The following KCNIP4 variants were observed in gnomAD, a reference collection of about 807,000 sequenced individuals.
KCNIP4 encodes potassium voltage-gated channel interacting protein 4.
Under a neutral mutation model 34.0 loss-of-function variants are expected in KCNIP4, and 12 were observed. The observed-to-expected ratio is 0.35, with a 90% CI of 0.23 to 0.57. The LOEUF (loss-of-function observed/expected upper bound fraction) is 0.57, where lower values mean the gene tolerates loss of function less well. Ranked by LOEUF, KCNIP4 falls within the 20% of genes least tolerant of loss-of-function variation. The pLI, the probability that KCNIP4 is intolerant of heterozygous loss-of-function variation, is 0.83. For synonymous variants in KCNIP4, 124 were observed against 102.2 expected, an observed-to-expected ratio of 1.21 and a Z score of -1.29; for missense variants, 238 against 311.7, an observed-to-expected ratio of 0.76 and a Z score of 1.78.
chr4:21,807,859 T>TTC (rs1339847966), intron 1 of KCNIP4, among the ~76,000 whole-genome samples: 32 of 152,202 alleles, frequency 2.1e-4, no homozygotes, highest in African/African-American at 7.7e-4. Context: ...ATTGAAGCCT[T>TTC]TCTTCAATAT....
intron 1 of KCNIP4, among the ~76,000 whole-genome samples, chr4:21,464,932 G>A (rs1729784306): frequency 6.6e-6 from 1 of 151,958 alleles, no homozygotes; most frequent in African/African-American, 2.4e-5. Context: ...GGAAAAAGTG[G>A]CTATTTTTGA....
At chr4:21,730,274 C>G (rs1203587830) in intron 1 of KCNIP4, among the ~76,000 whole-genome samples, 1 of 152,210 alleles carries the variant, frequency 6.6e-6, no homozygotes, top group Non-Finnish European at 1.5e-5. Flanking sequence ...CAGTAATACT[C>G]TGCTTCTTCT....
chr4:20,874,681 C>G (rs1445303357), intron 2 of KCNIP4, among the ~76,000 whole-genome samples: 1 of 146,016 alleles, frequency 6.8e-6, no homozygotes, highest in African/African-American at 2.5e-5. Flanking sequence ...GCCACTTCAT[C>G]TCTTTTTTTT....
Position 21,211,131 on chromosome 4 carries a change from G to A in KCNIP4, c.62-328422C>T, listed in dbSNP as rs567018899. On this transcript the variant is annotated intron_variant, in intron 1 of 8. Transcript: ENST00000382152. Reference sequence around the variant, plus strand: ...TCTGATTCTTAATAATGAGGATAATGTCATTCTTACTTTTTTCACCAGGTG... The same window carrying A: ...TCTGATTCTTAATAATGAGGATAATATCATTCTTACTTTTTTCACCAGGTG... 2.6e-5 allele frequency among the ~76,000 whole-genome samples: 4 copies of A among 152,288 alleles called. No homozygotes were observed. In the East Asian group the frequency reaches 7.7e-4, roughly 29 times the overall value.
intron 1 of KCNIP4, among the ~76,000 whole-genome samples, chr4:21,390,393 A>T (rs1722457781): frequency 6.6e-6 from 1 of 152,184 alleles, no homozygotes; most frequent in Non-Finnish European, 1.5e-5. Flanking sequence ...TATGTCTTCA[A>T]TGGTATTGCC....
intron 1 of KCNIP4, among the ~76,000 whole-genome samples, chr4:21,181,212 G>A (rs1754814311): frequency 6.6e-6 from 1 of 152,132 alleles, no homozygotes; most frequent in Admixed American, 6.6e-5. Flanking sequence ...GCTAGTCTGA[G>A]AGGAAACCAA....
intron 1 of KCNIP4, among the ~76,000 whole-genome samples, chr4:21,007,369 A>T (rs573515065): frequency 6.6e-6 from 1 of 152,322 alleles, no homozygotes; most frequent in African/African-American, 2.4e-5. Context: ...TCCATGTTCC[A>T]GGGTTTAGAA....
At chr4:21,153,774 C>T (rs533842574) in intron 1 of KCNIP4, among the ~76,000 whole-genome samples, 1 of 152,192 alleles carries the variant, frequency 6.6e-6, no homozygotes, top group African/African-American at 2.4e-5. Context: ...AAAAGTACAG[C>T]TCCTTGAGCA....
chr4:21,311,466 G>A (rs1319320631), intron 1 of KCNIP4, among the ~76,000 whole-genome samples: 3 of 152,062 alleles, frequency 2.0e-5, no homozygotes, highest in African/African-American at 2.4e-5. Flanking sequence ...CTAGGTGGGC[G>A]GATCATGAGG....
chr4:20,778,129 A>G (rs958324499), intron 3 of KCNIP4, among the ~76,000 whole-genome samples: 3 of 152,194 alleles, frequency 2.0e-5, no homozygotes, highest in African/African-American at 4.8e-5. Flanking sequence ...AGGTCCAGAG[A>G]AGTCACAGGA....
At chr4:21,824,279 C>T (rs1722544295) in intron 1 of KCNIP4, among the ~76,000 whole-genome samples, 1 of 152,114 alleles carries the variant, frequency 6.6e-6, no homozygotes. Flanking sequence ...CTCTTCTTGC[C>T]TGGGGACCAG....
chr4:21,243,003 A>G (rs949688111), intron 1 of KCNIP4, among the ~76,000 whole-genome samples: 3 of 152,118 alleles, frequency 2.0e-5, no homozygotes, highest in Admixed American at 6.6e-5. Context: ...ATCAATTTAT[A>G]TAATATACCA....
At chr4:21,832,566 T>C (rs4470613) in intron 1 of KCNIP4, among the ~76,000 whole-genome samples, 72,314 of 145,376 alleles carry the variant, frequency 0.5, 18,120 homozygotes, top group East Asian at 0.67. Flanking sequence ...TAAATTCTTT[T>C]TTGTTTTTAT....
At chr4:21,875,322 A>G (rs1199714363) in intron 1 of KCNIP4, among the ~76,000 whole-genome samples, 1 of 152,202 alleles carries the variant, frequency 6.6e-6, no homozygotes, top group Admixed American at 6.5e-5. Context: ...CATTAGACAC[A>G]GAGTCACCAG....
intron 1 of KCNIP4, among the ~76,000 whole-genome samples, chr4:20,910,481 G>A (rs1176965238): frequency 6.6e-6 from 1 of 152,080 alleles, no homozygotes; most frequent in Admixed American, 6.5e-5. Context: ...TCCAGGATGA[G>A]GAAAGTGAAA....
chr4:20,807,603 CT>C (rs1030866555), intron 3 of KCNIP4, among the ~76,000 whole-genome samples: 10 of 152,214 alleles, frequency 6.6e-5, no homozygotes, highest in African/African-American at 2.2e-4. Flanking sequence ...CTAGAATATA[CT>C]TATGTCATTT....
intron 1 of KCNIP4, among the ~76,000 whole-genome samples, chr4:21,379,954 A>AAGAAAATGAGTATATTCAAATTGG (rs1721329989): frequency 2.0e-5 from 3 of 151,794 alleles, no homozygotes; most frequent in African/African-American, 4.8e-5. Flanking sequence ...AGTATCTAAG[A>AAGAAAATGAGTATATTCAAATTGG]AGAAAATGAG....
intron 3 of KCNIP4, among the ~76,000 whole-genome samples, chr4:20,781,995 T>C (rs1170558616): frequency 6.6e-6 from 1 of 152,128 alleles, no homozygotes; most frequent in African/African-American, 2.4e-5. Flanking sequence ...AATATAGCCA[T>C]TCCAAATGGG....
At chr4:21,112,567 T>C (rs1472258045) in intron 1 of KCNIP4, among the ~76,000 whole-genome samples, 1 of 152,174 alleles carries the variant, frequency 6.6e-6, no homozygotes, top group Non-Finnish European at 1.5e-5. Flanking sequence ...AATCAAGAAG[T>C]CTCCAAGTAG....
Sources: gnomAD v4.1 joint callset for allele counts (sites outside exome capture counted in the v4.1 genomes callset) on GRCh38, gnomAD v4.1.1 for gene constraint, MANE v1.5 for transcripts, NCBI Gene and HGNC (gene_info 2026-07-23, HGNC 2026-07-21) for gene names.